DNAI3: variants seen among roughly 807,000 people sequenced by gnomAD.
The protein encoded by DNAI3 is dynein axonemal intermediate chain 3.
Under a neutral mutation model 115.5 loss-of-function variants are expected in DNAI3, and 83 were observed. The ratio of observed to expected loss-of-function variants is 0.72; its 90% CI spans 0.60 to 0.86. The LOEUF (loss-of-function observed/expected upper bound fraction) is 0.86. Ranked by LOEUF, DNAI3 falls within the 40% of genes least tolerant of loss-of-function variation. DNAI3 has a pLI of 0.00. For synonymous variants in DNAI3, 320 were observed against 347.0 expected (o/e 0.92, Z 0.86); for missense variants, 1,004 against 1,075.8 (o/e 0.93, Z 0.93).
chr1:85,103,756 A>G (rs1226034855), intron 13 of DNAI3, among the ~76,000 whole-genome samples: 3 of 151,782 alleles, frequency 2.0e-5, no homozygotes, highest in African/African-American at 4.8e-5. Context: ...GCATGGTGGC[A>G]CATGCCTGTA....
In DNAI3 at chr1:85,097,629, A is replaced by G; in HGVS notation, c.1324A>G (p.Ser442Gly). ...CATAGAAAACATTAAGGCAGGTGGTAGTAGAAGTAAAAGAGCCACACTGAA... is the reference window on the plus strand; with the variant it reads ...CATAGAAAACATTAAGGCAGGTGGTGGTAGAAGTAAAAGAGCCACACTGAA... The part of the protein sequence containing the change: ...DRIENIKAGG[S>G]RSKRATLKPM... Residue 442 changes from serine to glycine, a missense_variant, in exon 12 of 23, where the codon AGT becomes GGT. Coordinates refer to ENST00000294664, the MANE Select transcript of DNAI3 (RefSeq NM_145172.5). 3 of 1,612,742 alleles carry G rather than the reference A, an allele frequency of 1.9e-6. No individual in the cohort carries two copies. The highest frequency in any genetic ancestry group is 2.2e-5 in the South Asian group (2 of 90,674).
chr1:85,127,327 CATGAT>C (rs1656178162), intron 20 of DNAI3, among the ~76,000 whole-genome samples: 1 of 152,108 alleles, frequency 6.6e-6, no homozygotes, highest in Non-Finnish European at 1.5e-5. Context: ...TCTATAGAAA[CATGAT>C]GTATGTCCTT....
At chr1:85,097,769 AAAAG>A (rs199591174) in intron 12 of DNAI3, 114 bp downstream of exon 12, 77,685 of 911,966 alleles carry the variant, frequency 0.085, 4,103 homozygotes, top group African/African-American at 0.22. Flanking sequence ...AGGAAAAAAA[AAAAG>A]AATGTTATTT....
chr1:85,070,260 C>T (rs1654228313), intron 1 of DNAI3, among the ~76,000 whole-genome samples: 1 of 151,350 alleles, frequency 6.6e-6, no homozygotes, highest in Non-Finnish European at 1.5e-5. Flanking sequence ...AACTCTGTCT[C>T]AAAAAAAATA....
At chr1:85,126,284 T>C (rs577400762) in intron 19 of DNAI3, among the ~76,000 whole-genome samples, 2 of 152,310 alleles carry the variant, frequency 1.3e-5, no homozygotes, top group African/African-American at 4.8e-5. Context: ...AATTGGAATG[T>C]TTAATATTTT....
chr1:85,095,899 A>G, intron 10 of DNAI3, 32 bp from the exon 11 acceptor site: 1 of 1,583,872 alleles, frequency 6.3e-7, no homozygotes, highest in Non-Finnish European at 8.7e-7. Flanking sequence ...CTCTTTTCTC[A>G]TTCTTTCATG....
In DNAI3 at chr1:85,062,376, C is replaced by G. The variant is rs1175617800; in HGVS notation, c.-125C>G. ...AGAGTTGCTGCGGTTTGTGCCCTTGCGATTTCTTTTTCTGAGAGAGGAGAG... is the reference window on the plus strand; with the variant it reads ...AGAGTTGCTGCGGTTTGTGCCCTTGGGATTTCTTTTTCTGAGAGAGGAGAG... On this transcript the variant is annotated 5_prime_UTR_variant, in exon 1 of 23. Coordinates refer to ENST00000294664, the MANE Select transcript of DNAI3 (RefSeq NM_145172.5). 1 of 152,190 alleles carries G rather than the reference C, an allele frequency of 6.6e-6. No individual in the cohort carries two copies. Among genetic ancestry groups the G allele is most frequent in the East Asian group, 1.9e-4 (1 of 5,200 alleles). The allele number at this position is 152,190 out of a possible 1,614,324, so 9.4% of individuals were successfully genotyped here.
Position 85,082,867 on chromosome 1 carries a change from A to G in DNAI3, c.390+463A>G, listed in dbSNP as rs1229435865. On this transcript the variant is annotated intron_variant, in intron 5 of 22. Coordinates refer to ENST00000294664, the MANE Select transcript of DNAI3 (RefSeq NM_145172.5). Reference sequence around the variant, plus strand: ...CCCTTCGTTGACCTCGTGAGAGAGGAAACAGTGAATCTGGAGTACCGCTTT... The same window carrying G: ...CCCTTCGTTGACCTCGTGAGAGAGGGAACAGTGAATCTGGAGTACCGCTTT... Among the ~76,000 whole-genome samples the G allele has an allele frequency of 2.0e-5, 3 of 152,140 alleles. No homozygotes were observed. In the East Asian group the frequency reaches 5.8e-4, roughly 29 times the overall value.
At chr1:85,092,147 C>A (rs1320725753) in intron 8 of DNAI3, among the ~76,000 whole-genome samples, 2 of 152,116 alleles carry the variant, frequency 1.3e-5, no homozygotes, top group African/African-American at 4.8e-5. Context: ...GTGGAGCCTG[C>A]GACTCTGCAT....
At chr1:85,095,878 A>G in intron 10 of DNAI3, 53 bp from the exon 11 acceptor site, 1 of 1,488,956 alleles carries the variant, frequency 6.7e-7, no homozygotes, top group Non-Finnish European at 9.4e-7. Flanking sequence ...TTTTCTCGCC[A>G]TGATCTTAAT....
At chr1:85,091,647 TA>T (rs1654979517) in intron 8 of DNAI3, among the ~76,000 whole-genome samples, 1 of 152,206 alleles carries the variant, frequency 6.6e-6, no homozygotes, top group Admixed American at 6.5e-5. Flanking sequence ...GAATTTTATC[TA>T]AAACAAACTT....
Position 85,094,685 on chromosome 1 carries a change from T to C in DNAI3, c.1173+130T>C, listed in dbSNP as rs1655076419. On this transcript the variant is annotated intron_variant, in intron 10 of 22. Coordinates refer to ENST00000294664, the MANE Select transcript of DNAI3 (RefSeq NM_145172.5). ...TAAACATTTATAAAGTTAGGCTTTC[T>C]TCAATGCAGAACTTGTCATCATTCA... 3 of 1,157,020 alleles carry C rather than the reference T, an allele frequency of 2.6e-6. No homozygotes were observed. The Admixed American group carries it at 7.8e-5, about 30-fold the overall frequency. The allele number at this position is 1,157,020 out of a possible 1,614,324, so 71.7% of individuals were successfully genotyped here. A position where few individuals can be genotyped will look rare whatever the true frequency, so the allele number is the denominator to read the frequency against.
chr1:85,110,216 C>T, intron 16 of DNAI3, 81 bp downstream of exon 16: 5 of 1,258,298 alleles, frequency 4.0e-6, no homozygotes, highest in Non-Finnish European at 5.6e-6. Context: ...CTTCGGGAGG[C>T]TGAGGCGGGC....
chr1:85,097,590 G>C lies in DNAI3; in HGVS notation c.1285G>C (p.Ala429Pro). Residue 429 changes from alanine (A) to proline (P), a missense_variant, in exon 12 of 23, where the codon GCA becomes CCA. Coordinates refer to ENST00000294664, the MANE Select transcript of DNAI3 (RefSeq NM_145172.5). ...NGQIVMWDIT[A>P]HADRIENIKA... ...TTAGATTGTCATGTGGGATATCACC[G>C]CACATGCAGATCGCATAGAAAACAT... is the stretch of plus-strand genomic sequence containing the variant. 1 of 1,612,274 alleles carries C rather than the reference G, an allele frequency of 6.2e-7. No homozygotes were observed. Among genetic ancestry groups the C allele is most frequent in the Non-Finnish European group, 8.5e-7 (1 of 1,179,290 alleles).
intron 3 of DNAI3, among the ~76,000 whole-genome samples, chr1:85,076,874 G>A (rs2892866): frequency 0.19 from 28,282 of 152,024 alleles, 2,773 homozygotes; most frequent in South Asian, 0.26. Flanking sequence ...TTGGAATTAG[G>A]CAGACCTGGT....
chr1:85,063,769 C>G (rs952877709), intron 1 of DNAI3, among the ~76,000 whole-genome samples: 1 of 152,112 alleles, frequency 6.6e-6, no homozygotes, highest in Non-Finnish European at 1.5e-5. Context: ...AGTAGTTGTT[C>G]TGGTTAGAAC....
chr1:85,126,580 C>T lies in DNAI3; in HGVS notation c.2182C>T (p.Pro728Ser). 6.2e-7 allele frequency: 1 copy of T among 1,614,124 alleles called. No homozygotes were observed. Among genetic ancestry groups the T allele is most frequent in the Non-Finnish European group, 8.5e-7 (1 of 1,179,996 alleles). The change falls in exon 20 of 23, where the codon CCC (proline) becomes TCC (serine). Residue 728 changes from proline (P) to serine (S), a missense_variant. This residue lies in a region of DNAI3 where 429 missense variants were observed against 454.3 expected (regional missense o/e 0.94). Coordinates refer to ENST00000294664, the MANE Select transcript of DNAI3 (RefSeq NM_145172.5). ...CTCAGGCCACTGGTCCCTGACTCGG[C>T]CCGGAGTTTTCTACATCGGCCGAGA... ...YTSGHWSLTRPGVFYIGREDG... is the reference protein window; with the variant it reads ...YTSGHWSLTRSGVFYIGREDG...
At chr1:85,097,398 AT>A (rs1252659533) in intron 11 of DNAI3, among the ~76,000 whole-genome samples, 170 bp from the exon 12 acceptor site, 1 of 152,222 alleles carries the variant, frequency 6.6e-6, no homozygotes, top group East Asian at 1.9e-4. Context: ...AGAAGAAAAC[AT>A]TCTTTTTATA....
Position 85,062,608 on chromosome 1 carries a change from A to G in DNAI3, c.-15+122A>G, listed in dbSNP as rs951032172. On this transcript the variant is annotated intron_variant, in intron 1 of 22. Coordinates refer to ENST00000294664, the MANE Select transcript of DNAI3 (RefSeq NM_145172.5). ...TAGGCTAGTGGCAGTGAAGACTACA[A>G]AAAACACAAGTCTTTCCCTGCTTTC... The G allele has an allele frequency of 2.0e-5, 3 of 152,358 alleles. No individual in the cohort carries two copies. The East Asian group carries it at 5.8e-4, about 29-fold the overall frequency. 9.4% of individuals were successfully genotyped at this position (152,358 alleles called of 1,614,324 possible).
Sources: gnomAD v4.1 joint callset for allele counts (sites outside exome capture counted in the v4.1 genomes callset) on GRCh38, gnomAD v4.1.1 for gene constraint, gnomAD v4.1.1 regional missense constraint, MANE v1.5 for transcripts, NCBI Gene and HGNC (gene_info 2026-07-23, HGNC 2026-07-21) for gene names.